Variants in ARNT2 observed in about 807,000 individuals in gnomAD.
The protein encoded by ARNT2 is ARNT protein 2.
In ARNT2, 36 loss-of-function variants were observed where a neutral mutation model predicts 91.7. The observed-to-expected ratio is 0.39, with a 90% CI of 0.30 to 0.52. The LOEUF is 0.52. ARNT2 is among the 20% of genes least tolerant of loss of function. The probability of loss-of-function intolerance (pLI) is 0.72; values close to 1 mark genes in which losing one functional copy is unlikely to be tolerated. For missense variants in ARNT2, 775 were observed against 939.3 expected (o/e 0.83, Z 2.29); for synonymous variants, 365 against 347.1 (o/e 1.05, Z -0.57).
intron 1 of ARNT2, among the ~76,000 whole-genome samples, chr15:80,430,481 G>A (rs1895992898): frequency 6.6e-6 from 1 of 152,224 alleles, no homozygotes; most frequent in Non-Finnish European, 1.5e-5. Context: ...CCTTGGATGT[G>A]TTCCCTGTTG....
chr15:80,581,331 C>A lies in ARNT2; in HGVS notation c.1845C>A (p.Pro615=). The A allele has an allele frequency of 6.2e-7, 1 of 1,614,194 alleles. No homozygotes were observed. The highest frequency in any genetic ancestry group is 8.5e-7 in the Non-Finnish European group (1 of 1,180,034). Residue 615 remains proline (P), a synonymous_variant, in exon 17 of 19, where the codon CCC becomes CCA. Coordinates refer to ENST00000303329, the MANE Select transcript of ARNT2 (RefSeq NM_014862.4). Reference sequence around the variant, plus strand: ...CGGCAGACCCCTCTTCCTACAGCCCCCTCTCCAGCCCAGCTACCTCCTCGC... The same window carrying A: ...CGGCAGACCCCTCTTCCTACAGCCCACTCTCCAGCCCAGCTACCTCCTCGC... ...TYPADPSSYS[P]LSSPATSSPS...
chr15:80,521,460 T>C (rs557644412), intron 8 of ARNT2, among the ~76,000 whole-genome samples: 82 of 152,302 alleles, frequency 5.4e-4, no homozygotes, highest in Middle Eastern at 6.8e-3. Context: ...ATACCGATAG[T>C]GTATTTCATG....
At chr15:80,550,615 G>A (rs150302550) in intron 8 of ARNT2, among the ~76,000 whole-genome samples, 178 of 152,298 alleles carry the variant, frequency 1.2e-3, no homozygotes, top group Non-Finnish European at 1.9e-3. Flanking sequence ...TGAAGAGTGA[G>A]GATTGTTTTA....
intron 8 of ARNT2, among the ~76,000 whole-genome samples, chr15:80,528,043 G>A (rs1897666807): frequency 2.0e-5 from 3 of 152,196 alleles, no homozygotes; most frequent in Non-Finnish European, 2.9e-5. Context: ...TGAAAGCAAA[G>A]GGACCATAAA....
intron 11 of ARNT2, chr15:80,557,013 G>T (rs553351304): frequency 6.6e-6 from 1 of 152,284 alleles, no homozygotes; most frequent in Admixed American, 6.5e-5. Context: ...ATAATAGTTT[G>T]TCATGCCTCT....
At chr15:80,509,919 T>C (rs1024379091) in intron 6 of ARNT2, among the ~76,000 whole-genome samples, 7 of 152,148 alleles carry the variant, frequency 4.6e-5, no homozygotes, top group Non-Finnish European at 1.0e-4. Flanking sequence ...TTAGGTCGTG[T>C]TGACTTTACA....
intron 2 of ARNT2, among the ~76,000 whole-genome samples, chr15:80,454,238 A>G (rs117774541): frequency 0.013 from 2,013 of 150,630 alleles, 29 homozygotes; most frequent in Non-Finnish European, 0.022. Flanking sequence ...TCTCAGTGAC[A>G]GGGTGGTGAG....
At chr15:80,513,127 A>G (rs1017916200) in intron 6 of ARNT2, among the ~76,000 whole-genome samples, 22 of 152,124 alleles carry the variant, frequency 1.4e-4, no homozygotes. Context: ...ATCATTTGTG[A>G]TGTAGTTGGG....
In ARNT2 at chr15:80,594,947, C is replaced by T. The variant is rs1893350606; in HGVS notation, c.*1249C>T. ...GGGTTCCAGTTCTGGTTCTGCCACA[C>T]ACCCACCGGCCTTGAATTTCTCTGG... On this transcript the variant is annotated 3_prime_UTR_variant, in exon 19 of 19. Transcript: ENST00000303329. 1 of 152,210 alleles carries T rather than the reference C, an allele frequency of 6.6e-6. No homozygotes were observed. Among genetic ancestry groups the T allele is most frequent in the Admixed American group, 6.5e-5 (1 of 15,286 alleles). The allele number at this position is 152,210 out of a possible 1,614,324, so 9.4% of individuals were successfully genotyped here. A position where few individuals can be genotyped will look rare whatever the true frequency, so the allele number is the denominator to read the frequency against.
intron 9 of ARNT2, among the ~76,000 whole-genome samples, chr15:80,551,619 T>C (rs746850460): frequency 6.6e-6 from 1 of 152,220 alleles, no homozygotes; most frequent in Non-Finnish European, 1.5e-5. Context: ...ATTACAACTT[T>C]ATCTCCTTGC....
chr15:80,486,597 G>C lies in ARNT2; in HGVS notation c.622+11374G>C, dbSNP rs144648760. 3.1e-4 allele frequency among the ~76,000 whole-genome samples: 47 copies of C among 152,312 alleles called. No homozygotes were observed. The East Asian group carries it at 8.5e-3, about 28-fold the overall frequency. On this transcript the variant is annotated intron_variant, in intron 5 of 18. Coordinates refer to ENST00000303329, the MANE Select transcript of ARNT2 (RefSeq NM_014862.4). ...ACCTCCTCAGCATCCCTGACTTGTC[G>C]TGTTGAGTCAAGCCACAAAATCCAC...
At chr15:80,559,479 A>C (rs765659923) in intron 11 of ARNT2, among the ~76,000 whole-genome samples, 3 of 152,192 alleles carry the variant, frequency 2.0e-5, no homozygotes, top group Non-Finnish European at 2.9e-5. Flanking sequence ...AATGTTGATA[A>C]AGGGAAGTGG....
At chr15:80,455,006 C>T (rs1896460930) in intron 2 of ARNT2, among the ~76,000 whole-genome samples, 2 of 152,096 alleles carry the variant, frequency 1.3e-5, no homozygotes, top group African/African-American at 4.8e-5. Context: ...TGATTTCTCT[C>T]CTTTATTATC....
chr15:80,531,310 C>T (rs1301229905), intron 8 of ARNT2, among the ~76,000 whole-genome samples: 1 of 152,206 alleles, frequency 6.6e-6, no homozygotes, highest in East Asian at 1.9e-4. Flanking sequence ...TCATCCCAAA[C>T]AGCAGTTTCC....
chr15:80,473,353 G>C (rs1435665085), intron 4 of ARNT2, among the ~76,000 whole-genome samples: 1 of 152,232 alleles, frequency 6.6e-6, no homozygotes, highest in African/African-American at 2.4e-5. Flanking sequence ...TCCGTGATGC[G>C]AGCAGGGCTT....
chr15:80,559,952 C>G (rs1419970109), intron 11 of ARNT2: 2 of 152,520 alleles, frequency 1.3e-5, no homozygotes, highest in African/African-American at 2.4e-5. Flanking sequence ...AGCCAATCCC[C>G]CATCACATCT....
chr15:80,567,245 G>C (rs911749772), intron 12 of ARNT2, among the ~76,000 whole-genome samples: 15 of 152,152 alleles, frequency 9.9e-5, no homozygotes, highest in Non-Finnish European at 1.9e-4. Flanking sequence ...GGTGCAGGGC[G>C]GTGAGAGCCC....
intron 1 of ARNT2, among the ~76,000 whole-genome samples, chr15:80,411,958 A>G (rs368642274): frequency 1.3e-5 from 2 of 152,228 alleles, no homozygotes; most frequent in Admixed American, 6.5e-5. Flanking sequence ...GTGTGAAACT[A>G]TTGACATGGC....
intron 5 of ARNT2, among the ~76,000 whole-genome samples, chr15:80,505,934 T>G (rs922619267): frequency 1.8e-4 from 23 of 129,956 alleles, no homozygotes; most frequent in Non-Finnish European, 3.2e-4. Flanking sequence ...GTTGTTTTTT[T>G]TTTTTTTTTT....
Sources: allele counts gnomAD v4.1 joint callset (sites outside exome capture counted in the v4.1 genomes callset), GRCh38; gene constraint gnomAD v4.1.1; transcripts MANE v1.5; gene names NCBI Gene and HGNC (gene_info 2026-07-23, HGNC 2026-07-21).